The following DHRSX variants were observed in gnomAD, a reference collection of about 807,000 sequenced individuals.
The protein encoded by DHRSX is dehydrogenase/reductase X-linked, also known as polyprenol dehydrogenase.
Under a neutral mutation model 34.0 loss-of-function variants are expected in DHRSX, and 31 were observed. The observed-to-expected ratio is 0.91, with a 90% CI of 0.69 to 1.23. The LOEUF (loss-of-function observed/expected upper bound fraction) is 1.23. Among genes scored for constraint, DHRSX ranks in the 50% most tolerant of loss-of-function variants. DHRSX has a pLI of 0.00. For missense variants in DHRSX, 414 were observed against 428.1 expected (o/e 0.97, Z 0.29); for synonymous variants, 201 against 183.8 (o/e 1.09, Z -0.76).
At chrX:2,301,883 G>T (rs761835893) in intron 3 of DHRSX, among the ~76,000 whole-genome samples, 3 of 152,034 alleles carry the variant, frequency 2.0e-5, no homozygotes, top group South Asian at 2.1e-4. Flanking sequence ...TGATCTGCCC[G>T]CCTCGGCCTC....
intron 4 of DHRSX, among the ~76,000 whole-genome samples, chrX:2,283,898 A>G (rs1427293206): frequency 3.1e-5 from 1 of 32,112 alleles, no homozygotes; most frequent in African/African-American, 1.0e-4. Context: ...GAATTCGTTC[A>G]TTCCTTTGAA....
intron 4 of DHRSX, among the ~76,000 whole-genome samples, chrX:2,271,841 A>G (rs2041559804): frequency 6.6e-6 from 1 of 152,270 alleles, no homozygotes; most frequent in East Asian, 1.9e-4. Context: ...CAGGAGTTCG[A>G]GACCAGCTTG....
chrX:2,491,071 T>G (rs1701746151), intron 1 of DHRSX, among the ~76,000 whole-genome samples: 1 of 120,836 alleles, frequency 8.3e-6, no homozygotes, highest in African/African-American at 3.1e-5. Flanking sequence ...CTTTAGTTTT[T>G]TTTTTTTTTT....
chrX:2,475,701 C>A (rs180967729), intron 1 of DHRSX, among the ~76,000 whole-genome samples: 4,313 of 152,118 alleles, frequency 0.028, 83 homozygotes, highest in Admixed American at 0.053. Flanking sequence ...AAGGGACCGC[C>A]GCCATGTACA....
chrX:2,298,406 A>AC (rs1430548435), intron 3 of DHRSX, among the ~76,000 whole-genome samples: 1 of 151,392 alleles, frequency 6.6e-6, no homozygotes, highest in East Asian at 1.9e-4. Context: ...AAAAAAAAAA[A>AC]AACAATTTTC....
chrX:2,265,400 A>C (rs1484798783), intron 5 of DHRSX, among the ~76,000 whole-genome samples: 142 of 84,536 alleles, frequency 1.7e-3, no homozygotes, highest in African/African-American at 4.4e-3. Flanking sequence ...GCACCAGTGT[A>C]CAGCAGACGC....
At chrX:2,291,110 A>C (rs180945297) in intron 4 of DHRSX, among the ~76,000 whole-genome samples, 3 of 152,002 alleles carry the variant, frequency 2.0e-5, no homozygotes, top group Non-Finnish European at 4.4e-5. Context: ...AATGTTGAAC[A>C]GGGGGTAAAA....
At position 2,266,841 on chromosome X, in the gene DHRSX, C is replaced by G. The variant is rs2041481660; in HGVS notation, c.495G>C (p.Thr165=). The G allele has an allele frequency of 1.2e-6, 2 of 1,613,834 alleles. No individual in the cohort carries two copies. The highest frequency in any genetic ancestry group is 1.7e-5 in the Admixed American group (1 of 59,992). ...HFLLTNLLLD[T]LKESGSPGHS... Reference sequence around the variant, plus strand: ...GGCCAGGGGACCCAGACTCTTTCAGCGTATCCAAGAGAAGGTTGGTCAGCA... The same window carrying G: ...GGCCAGGGGACCCAGACTCTTTCAGGGTATCCAAGAGAAGGTTGGTCAGCA... Residue 165 remains threonine (T), a synonymous_variant, in exon 5 of 7, where the codon ACG becomes ACC. Coordinates refer to ENST00000334651, the MANE Select transcript of DHRSX (RefSeq NM_145177.3).
intron 5 of DHRSX, among the ~76,000 whole-genome samples, chrX:2,244,062 C>T (rs978906893): frequency 2.3e-4 from 35 of 152,044 alleles, no homozygotes; most frequent in Non-Finnish European, 3.7e-4. Flanking sequence ...TGAGCCACCG[C>T]GCCTGGCCAC....
At chrX:2,411,747 CAAAACAAAA>C (rs1340494146) in intron 2 of DHRSX, among the ~76,000 whole-genome samples, 2 of 95,252 alleles carry the variant, frequency 2.1e-5, no homozygotes, top group Non-Finnish European at 4.2e-5. Flanking sequence ...CAAAACAAAA[CAAAACAAAA>C]AAAAACAAAG....
chrX:2,413,201 A>G (rs1192961744), intron 2 of DHRSX, among the ~76,000 whole-genome samples: 2 of 152,190 alleles, frequency 1.3e-5, no homozygotes, highest in Non-Finnish European at 1.5e-5. Flanking sequence ...CTCAAAAAAA[A>G]GAAAGAAAGA....
At position 2,369,218 on chromosome X, in the gene DHRSX, T is replaced by C. The variant is rs895522498; in HGVS notation, c.286+39527A>G. The stretch of plus-strand genomic sequence containing the variant: ...TCATGTTGAGAGACAGTGGCTAAGC[T>C]GATGTGGAAATAACACAAGAAATCT... On this transcript the variant is annotated intron_variant, in intron 3 of 6. Coordinates refer to ENST00000334651, the MANE Select transcript of DHRSX (RefSeq NM_145177.3). Among the ~76,000 whole-genome samples, 88 of 152,162 alleles carry C rather than the reference T, an allele frequency of 5.8e-4. 1 individual carries two copies. Among genetic ancestry groups the C allele is most frequent in the Non-Finnish European group, 1.0e-4 (7 of 68,034 alleles).
At chrX:2,222,244 T>C (rs990720737) in intron 6 of DHRSX, among the ~76,000 whole-genome samples, 2 of 152,216 alleles carry the variant, frequency 1.3e-5, no homozygotes, top group African/African-American at 4.8e-5. Context: ...GAGTTTTTAC[T>C]GGGGTCTCAT....
chrX:2,490,550 G>C, intron 1 of DHRSX: 1 of 1,613,988 alleles, frequency 6.2e-7, no homozygotes, highest in Non-Finnish European at 8.5e-7. Flanking sequence ...GGTGTTTCCG[G>C]AGTAGGCGAT....
intron 3 of DHRSX, among the ~76,000 whole-genome samples, chrX:2,346,255 C>T (rs747430749): frequency 2.4e-4 from 36 of 152,034 alleles, no homozygotes; most frequent in African/African-American, 8.0e-4. Context: ...CTGACATGCC[C>T]GAGTTGTTAT....
At chrX:2,286,974 G>T (rs980421248) in intron 4 of DHRSX, among the ~76,000 whole-genome samples, 3 of 152,234 alleles carry the variant, frequency 2.0e-5, no homozygotes, top group Non-Finnish European at 4.4e-5. Flanking sequence ...GTGACTTGGG[G>T]TGCAATCTTC....
intron 3 of DHRSX, among the ~76,000 whole-genome samples, chrX:2,404,060 G>T (rs2043522630): frequency 6.6e-6 from 1 of 152,124 alleles, no homozygotes; most frequent in African/African-American, 2.4e-5. Context: ...CATGAGAAAA[G>T]AATGCCTCAC....
chrX:2,315,164 A>T (rs1056489540), intron 3 of DHRSX, among the ~76,000 whole-genome samples: 6 of 150,166 alleles, frequency 4.0e-5, no homozygotes, highest in East Asian at 3.9e-4. Context: ...GTTTCAATAA[A>T]AAAAAAAAAA....
chrX:2,446,506 G>A (rs1351800959), intron 1 of DHRSX, among the ~76,000 whole-genome samples: 1 of 151,382 alleles, frequency 6.6e-6, no homozygotes, highest in Non-Finnish European at 1.5e-5. Context: ...TGTACACACT[G>A]AAGATGGTCC....
Sources: allele counts gnomAD v4.1 joint callset (sites outside exome capture counted in the v4.1 genomes callset), GRCh38; gene constraint gnomAD v4.1.1; transcripts MANE v1.5; gene names NCBI Gene and HGNC (gene_info 2026-07-23, HGNC 2026-07-21).